ADCY8: variants seen among roughly 807,000 people sequenced by gnomAD.
ADCY8 encodes adenylate cyclase type 8.
Under a neutral mutation model 119.7 loss-of-function variants are expected in ADCY8, and 51 were observed. The observed-to-expected ratio is 0.43, with a 90% CI of 0.34 to 0.54. The LOEUF (loss-of-function observed/expected upper bound fraction) is 0.54. ADCY8 is among the 20% of genes least tolerant of loss of function. ADCY8 has a pLI of 0.03. For synonymous variants in ADCY8, 665 were observed against 651.0 expected, an observed-to-expected ratio of 1.02 and a Z score of -0.33; for missense variants, 1,383 against 1,598.8, an observed-to-expected ratio of 0.87 and a Z score of 2.30.
intron 13 of ADCY8, among the ~76,000 whole-genome samples, chr8:130,816,350 T>C (rs1241679340): frequency 3.9e-5 from 6 of 151,960 alleles, no homozygotes; most frequent in Admixed American, 3.9e-4. Flanking sequence ...TATAGTATGC[T>C]ACCATTTATC....
intron 9 of ADCY8, among the ~76,000 whole-genome samples, chr8:130,864,222 T>A (rs1318081839): frequency 6.6e-6 from 1 of 152,192 alleles, no homozygotes; most frequent in East Asian, 1.9e-4. Flanking sequence ...GGTAAGATGA[T>A]GTCCTTCACT....
chr8:130,932,265 A>T (rs1184034422), intron 5 of ADCY8, among the ~76,000 whole-genome samples: 1 of 152,196 alleles, frequency 6.6e-6, no homozygotes, highest in Admixed American at 6.5e-5. Flanking sequence ...GCCCAGGTCC[A>T]CTAATGTCAA....
intron 1 of ADCY8, among the ~76,000 whole-genome samples, chr8:131,035,036 A>G (rs2130814754): frequency 6.6e-6 from 1 of 152,314 alleles, no homozygotes; most frequent in East Asian, 1.9e-4. Context: ...ATATAATCTT[A>G]TCATCAATCC....
intron 2 of ADCY8, among the ~76,000 whole-genome samples, chr8:130,973,075 C>T (rs1427918107): frequency 6.6e-6 from 1 of 152,178 alleles, no homozygotes; most frequent in Non-Finnish European, 1.5e-5. Flanking sequence ...ACTTTCATCC[C>T]TTGCCTCTTT....
chr8:130,997,179 T>C (rs78856106), intron 1 of ADCY8, among the ~76,000 whole-genome samples: 2,011 of 152,112 alleles, frequency 0.013, 27 homozygotes, highest in Middle Eastern at 0.027. Flanking sequence ...GCACTTAACA[T>C]ACAAATCTAT....
intron 14 of ADCY8, among the ~76,000 whole-genome samples, chr8:130,807,615 T>C (rs916032206): frequency 6.6e-6 from 1 of 152,290 alleles, no homozygotes; most frequent in East Asian, 1.9e-4. Flanking sequence ...ACACCAGACA[T>C]GAAACCTGCT....
intron 15 of ADCY8, among the ~76,000 whole-genome samples, chr8:130,785,911 A>G (rs1447705674): frequency 6.6e-5 from 10 of 152,174 alleles, no homozygotes; most frequent in Non-Finnish European, 1.5e-5. Flanking sequence ...TGACCTGAGA[A>G]CAAGCTCAGC....
chr8:130,791,469 G>A (rs1415426139), intron 15 of ADCY8, among the ~76,000 whole-genome samples: 1 of 152,258 alleles, frequency 6.6e-6, no homozygotes, highest in Non-Finnish European at 1.5e-5. Flanking sequence ...AATTGCTTAC[G>A]ACATACTGAT....
intron 8 of ADCY8, among the ~76,000 whole-genome samples, chr8:130,869,796 C>T (rs1164437499): frequency 6.6e-6 from 1 of 151,928 alleles, no homozygotes; most frequent in South Asian, 2.1e-4. Context: ...GGATTACAGG[C>T]GTGAGCCACT....
intron 17 of ADCY8, among the ~76,000 whole-genome samples, chr8:130,782,925 G>A (rs1815130727): frequency 6.6e-6 from 1 of 152,162 alleles, no homozygotes; most frequent in South Asian, 2.1e-4. Flanking sequence ...CTGCACTCTG[G>A]CAGCCAGAAT....
At chr8:130,825,889 A>T (rs764111276) in intron 12 of ADCY8, among the ~76,000 whole-genome samples, 1 of 152,214 alleles carries the variant, frequency 6.6e-6, no homozygotes, top group Non-Finnish European at 1.5e-5. Flanking sequence ...GTGGCCACAC[A>T]GGCGGTCATC....
At chr8:130,819,062 A>G (rs1024343902) in intron 13 of ADCY8, among the ~76,000 whole-genome samples, 2 of 152,222 alleles carry the variant, frequency 1.3e-5, no homozygotes, top group Non-Finnish European at 2.9e-5. Flanking sequence ...ATATTCTCAT[A>G]TAACACTCTA....
At chr8:130,930,627 A>G (rs902238825) in intron 5 of ADCY8, among the ~76,000 whole-genome samples, 5 of 152,084 alleles carry the variant, frequency 3.3e-5, no homozygotes, top group Admixed American at 1.3e-4. Context: ...AACATCTCAT[A>G]TTCATAACAG....
intron 1 of ADCY8, among the ~76,000 whole-genome samples, chr8:131,028,204 A>G (rs943312070): frequency 6.6e-6 from 1 of 152,236 alleles, no homozygotes; most frequent in African/African-American, 2.4e-5. Context: ...TGTGTTTTCT[A>G]TGTTTTTAAG....
intron 15 of ADCY8, among the ~76,000 whole-genome samples, chr8:130,799,404 CA>C (rs1189058395): frequency 6.6e-6 from 1 of 152,086 alleles, no homozygotes; most frequent in Non-Finnish European, 1.5e-5. Flanking sequence ...TAAATATATA[CA>C]ATGGAAAGAA....
At chr8:130,790,628 G>C (rs1273396808) in intron 15 of ADCY8, among the ~76,000 whole-genome samples, 1 of 152,100 alleles carries the variant, frequency 6.6e-6, no homozygotes, top group Admixed American at 6.6e-5. Context: ...GGTGGTGGTG[G>C]GGCACAGACA....
At chr8:130,969,543 A>T (rs1821862097) in intron 2 of ADCY8, among the ~76,000 whole-genome samples, 1 of 152,126 alleles carries the variant, frequency 6.6e-6, no homozygotes, top group Non-Finnish European at 1.5e-5. Context: ...TGTAGCTCCC[A>T]TCATTTTGTC....
intron 14 of ADCY8, among the ~76,000 whole-genome samples, chr8:130,807,963 G>A (rs1194099891): frequency 3.4e-5 from 3 of 88,024 alleles, no homozygotes; most frequent in Non-Finnish European, 4.2e-5. Flanking sequence ...CAGCCTGGGT[G>A]ACAGAGCGAG....
intron 1 of ADCY8, among the ~76,000 whole-genome samples, chr8:130,992,418 T>C (rs367602919): frequency 0.48 from 61,925 of 128,272 alleles, 17,577 homozygotes; most frequent in East Asian, 0.83. Context: ...TATATATATA[T>C]ATATATATAT....
Sources: gnomAD v4.1 joint callset for allele counts (sites outside exome capture counted in the v4.1 genomes callset) on GRCh38, gnomAD v4.1.1 for gene constraint, MANE v1.5 for transcripts, NCBI Gene and HGNC (gene_info 2026-07-23, HGNC 2026-07-21) for gene names.